The following HEMK1 variants were observed in gnomAD, a reference collection of about 807,000 sequenced individuals.
The protein encoded by HEMK1 is HemK methyltransferase 1, mitochondrial release factors N(5)-glutamine, also known as MTRF1L release factor glutamine methyltransferase.
HEMK1 carries 36 observed loss-of-function variants against 47.9 expected under a neutral mutation model. That is an observed-to-expected ratio of 0.75 (90% CI 0.58 to 0.99). The LOEUF is 0.99. Ranked by LOEUF, HEMK1 falls within the 50% of genes least tolerant of loss-of-function variation. The probability of loss-of-function intolerance (pLI) is 0.00; values close to 1 mark genes in which losing one functional copy is unlikely to be tolerated. For missense variants in HEMK1, 383 were observed against 434.5 expected, an observed-to-expected ratio of 0.88 and a Z score of 1.05; for synonymous variants, 153 against 165.4, an observed-to-expected ratio of 0.93 and a Z score of 0.57.
rs538120324 is a variant in HEMK1, at chr3:50,576,993, C to A, written c.415-59C>A. 46 of 1,605,130 alleles carry A rather than the reference C, an allele frequency of 2.9e-5. 1 individual carries two copies. The South Asian group carries it at 4.2e-4, about 15-fold the overall frequency. ...AAGGGTAACTGCTTAGGCCTCTGTA[C>A]CAAGACCCCCAGGAGCCACGTTGGC... On this transcript the variant is annotated intron_variant, in intron 4 of 10. Transcript: ENST00000232854.
In HEMK1 at chr3:50,580,502, A is replaced by T. The variant is rs1263104864; in HGVS notation, c.*85A>T. 14 of 1,352,914 alleles carry T rather than the reference A, an allele frequency of 1.0e-5. No individual in the cohort carries two copies. In the Admixed American group the frequency reaches 2.5e-4, roughly 24 times the overall value. The allele number at this position is 1,352,914 out of a possible 1,614,324, so 83.8% of individuals were successfully genotyped here. ...GGCACTTTCCAGAGCCCAGGTTCTT[A>T]TGGCATTTCCCAGGGTTCTGTGATT... is the stretch of plus-strand genomic sequence containing the variant. On this transcript the variant is annotated 3_prime_UTR_variant, in exon 11 of 11. Transcript: ENST00000232854.
In HEMK1 at chr3:50,575,193, C is replaced by T. The variant is rs532886264; in HGVS notation, c.415-1859C>T. On this transcript the variant is annotated intron_variant, in intron 4 of 10. Coordinates refer to ENST00000232854, the MANE Select transcript of HEMK1 (RefSeq NM_016173.5). Reference sequence around the variant, plus strand: ...ATCCCAGCACTTTGGGAGGCTGAGGCGGGTAGATCACCTGAGGTCGGGAGT... The same window carrying T: ...ATCCCAGCACTTTGGGAGGCTGAGGTGGGTAGATCACCTGAGGTCGGGAGT... Among the ~76,000 whole-genome samples, 17 of 152,122 alleles carry T rather than the reference C, an allele frequency of 1.1e-4. No individual in the cohort carries two copies. In the Middle Eastern group the frequency reaches 0.01, roughly 91 times the overall value.
chr3:50,570,084 C>T (rs1386876391), intron 1 of HEMK1: 1 of 152,196 alleles, frequency 6.6e-6, no homozygotes, highest in Non-Finnish European at 1.5e-5. Flanking sequence ...TCGTGATCCG[C>T]CCACCTCGGC....
At position 50,594,386 on chromosome 3, in the gene HEMK1, A is replaced by T. The variant is rs993836210; in HGVS notation, c.*13969A>T. The T allele has an allele frequency of 6.6e-6, 1 of 152,184 alleles. No homozygotes were observed. Among genetic ancestry groups the T allele is most frequent in the Non-Finnish European group, 1.5e-5 (1 of 68,036 alleles). The allele number at this position is 152,184 out of a possible 1,614,324, so 9.4% of individuals were successfully genotyped here. On this transcript the variant is annotated 3_prime_UTR_variant, in exon 11 of 11. Coordinates refer to ENST00000232854, the MANE Select transcript of HEMK1 (RefSeq NM_016173.5). ...ATTGACACGGTCCCTACTCATAAGG[A>T]GTTCATGGCCTGGTGGAGGATACAG... is the stretch of plus-strand genomic sequence containing the variant.
At position 50,587,967 on chromosome 3, in the gene HEMK1, G is replaced by A. The variant is rs755234986; in HGVS notation, c.*7550G>A. On this transcript the variant is annotated 3_prime_UTR_variant, in exon 11 of 11. Coordinates refer to ENST00000232854, the MANE Select transcript of HEMK1 (RefSeq NM_016173.5). This position sits in a 1 kb window ranked among gnomAD's most constrained non-coding sequence, Gnocchi z 4.2. Reference sequence around the variant, plus strand: ...TGGCCAGGACCACAGTGGGCCCAGGGATCTGATTGGGACCTGGGGGAAATG... The same window carrying A: ...TGGCCAGGACCACAGTGGGCCCAGGAATCTGATTGGGACCTGGGGGAAATG... 1 of 152,312 alleles carries A rather than the reference G, an allele frequency of 6.6e-6. No homozygotes were observed. The highest frequency in any genetic ancestry group is 1.5e-5 in the Non-Finnish European group (1 of 68,126). 9.4% of individuals were successfully genotyped at this position (152,312 alleles called of 1,614,324 possible).
chr3:50,584,107 G>A lies in HEMK1; in HGVS notation c.*3690G>A, dbSNP rs566418701. 7 of 152,308 alleles carry A rather than the reference G, an allele frequency of 4.6e-5. No homozygotes were observed. Among genetic ancestry groups the A allele is most frequent in the Non-Finnish European group, 1.0e-4 (7 of 68,028 alleles). The allele number at this position is 152,308 out of a possible 1,614,324, so 9.4% of individuals were successfully genotyped here. On this transcript the variant is annotated 3_prime_UTR_variant, in exon 11 of 11. Coordinates refer to ENST00000232854, the MANE Select transcript of HEMK1 (RefSeq NM_016173.5). Reference sequence around the variant, plus strand: ...ATTCAAGTTGAGCAATGGCCACTTCGAAGACTCAAGTGCACCTGATCCCTG... The same window carrying A: ...ATTCAAGTTGAGCAATGGCCACTTCAAAGACTCAAGTGCACCTGATCCCTG...
Position 50,572,789 on chromosome 3 carries a change from T to C in HEMK1, c.414+581T>C, listed in dbSNP as rs374801820. On this transcript the variant is annotated intron_variant, in intron 4 of 10. Transcript: ENST00000232854. ...TAGGACTAGGGATGTGTGGCGCAAG[T>C]GTGTTATCCCTTGGTAAGGCACCCT... 2.3e-4 allele frequency among the ~76,000 whole-genome samples: 35 copies of C among 152,316 alleles called. 1 individual carries two copies. The East Asian group carries it at 5.0e-3, about 22-fold the overall frequency.
chr3:50,580,050 C>G, intron 9 of HEMK1, 66 bp from the exon 10 acceptor site: 1 of 1,542,126 alleles, frequency 6.5e-7, no homozygotes, highest in Non-Finnish European at 9.0e-7. Flanking sequence ...CTCGCCAGCC[C>G]AAGCAGCCCA....
At position 50,588,410 on chromosome 3, in the gene HEMK1, G is replaced by C. The variant is rs2031521503; in HGVS notation, c.*7993G>C. 6.6e-6 allele frequency: 1 copy of C among 152,232 alleles called. No homozygotes were observed. The highest frequency in any genetic ancestry group is 6.5e-5 in the Admixed American group (1 of 15,286). 9.4% of individuals were successfully genotyped at this position (152,232 alleles called of 1,614,324 possible). A position where few individuals can be genotyped will look rare whatever the true frequency, so the allele number is the denominator to read the frequency against. On this transcript the variant is annotated 3_prime_UTR_variant, in exon 11 of 11. Transcript: ENST00000232854. ...CAGTCAGGAGAGGCGTGAGCAGGCT[G>C]CCGAGGCCAAATGCAGCCCAGGGCC...
At position 50,579,886 on chromosome 3, in the gene HEMK1, G is replaced by A; in HGVS notation, c.813G>A (p.Met271Ile). ...CCCTGGATGGTGGGGAGGAGGGCAT[G>A]GACATCATTACCCACATTCTGGCCT... ...PAALDGGEEG[M>I]DIITHILALA... The change falls in exon 9 of 11, where the codon ATG (methionine) becomes ATA (isoleucine). Residue 271 changes from methionine (M) to isoleucine (I), a missense_variant. Coordinates refer to ENST00000232854, the MANE Select transcript of HEMK1 (RefSeq NM_016173.5). 2 of 1,614,018 alleles carry A rather than the reference G, an allele frequency of 1.2e-6. No individual in the cohort carries two copies. Among genetic ancestry groups the A allele is most frequent in the South Asian group, 1.1e-5 (1 of 91,072 alleles).
rs888754398 is a variant in HEMK1 at position 50,591,101 on chromosome 3, G to A, written c.*10684G>A. 6.6e-6 allele frequency: 1 copy of A among 152,174 alleles called. No homozygotes were observed. Among genetic ancestry groups the A allele is most frequent in the African/African-American group, 2.4e-5 (1 of 41,420 alleles). The allele number at this position is 152,174 out of a possible 1,614,324, so 9.4% of individuals were successfully genotyped here. A position where few individuals can be genotyped will look rare whatever the true frequency, so the allele number is the denominator to read the frequency against. On this transcript the variant is annotated 3_prime_UTR_variant, in exon 11 of 11. Coordinates refer to ENST00000232854, the MANE Select transcript of HEMK1 (RefSeq NM_016173.5). ...AAGGTCAGGCGAGGACACAGCATCTGGGACGAGTCCTTTCCTGCCAACAGC... is the reference window on the plus strand; with the variant it reads ...AAGGTCAGGCGAGGACACAGCATCTAGGACGAGTCCTTTCCTGCCAACAGC...
chr3:50,588,013 CTG>C lies in HEMK1; in HGVS notation c.*7597_*7598del, dbSNP rs912109102. The C allele has an allele frequency of 2.0e-5, 3 of 152,326 alleles. No homozygotes were observed. Among genetic ancestry groups the C allele is most frequent in the African/African-American group, 7.2e-5 (3 of 41,532 alleles). 9.4% of individuals were successfully genotyped at this position (152,326 alleles called of 1,614,324 possible). ...AAATGGGGCCACCCTGAGTTGGAGA[CTG>C]GGGTGCTGGGGGGAACAGTCGGGGA... On this transcript the variant is annotated 3_prime_UTR_variant, in exon 11 of 11. Coordinates refer to ENST00000232854, the MANE Select transcript of HEMK1 (RefSeq NM_016173.5).
rs1361373972 is a variant in HEMK1 at position 50,594,260 on chromosome 3, G to A, written c.*13843G>A. 2 of 151,954 alleles carry A rather than the reference G, an allele frequency of 1.3e-5. No individual in the cohort carries two copies. The highest frequency in any genetic ancestry group is 3.9e-4 in the East Asian group (2 of 5,194). The allele number at this position is 151,954 out of a possible 1,614,324, so 9.4% of individuals were successfully genotyped here. A position where few individuals can be genotyped will look rare whatever the true frequency, so the allele number is the denominator to read the frequency against. On this transcript the variant is annotated 3_prime_UTR_variant, in exon 11 of 11. Coordinates refer to ENST00000232854, the MANE Select transcript of HEMK1 (RefSeq NM_016173.5). The stretch of plus-strand genomic sequence containing the variant: ...TAGTTCTGGCTGACTCTGATTTTTT[G>A]TTTATTTTAGAGGCTTTTTTTTTCA...
intron 4 of HEMK1, among the ~76,000 whole-genome samples, chr3:50,574,158 G>A (rs1468059182): frequency 2.0e-5 from 3 of 152,170 alleles, no homozygotes; most frequent in South Asian, 4.1e-4. Flanking sequence ...CCTCTTTCCC[G>A]CATGCGTCTG....
chr3:50,574,958 G>A (rs2107446847), intron 4 of HEMK1, among the ~76,000 whole-genome samples: 1 of 152,326 alleles, frequency 6.6e-6, no homozygotes, highest in African/African-American at 2.4e-5. Flanking sequence ...GCCTGGAAGG[G>A]TGAGATGCTT....
Position 50,587,302 on chromosome 3 carries a change from T to C in HEMK1, c.*6885T>C, listed in dbSNP as rs1267036710. The C allele has an allele frequency of 6.6e-6, 1 of 152,226 alleles. No individual in the cohort carries two copies. The highest frequency in any genetic ancestry group is 1.5e-5 in the Non-Finnish European group (1 of 68,082). 9.4% of individuals were successfully genotyped at this position (152,226 alleles called of 1,614,324 possible). A position where few individuals can be genotyped will look rare whatever the true frequency, so the allele number is the denominator to read the frequency against. On this transcript the variant is annotated 3_prime_UTR_variant, in exon 11 of 11. Transcript: ENST00000232854. The surrounding 1 kb of genome is among the most constrained non-coding windows in gnomAD (Gnocchi z 4.2). ...GCTCCTGGGTGCATCTCCTGAGGTA[T>C]AGGGCCAGGGCCTCAGTCTCTCAAG...
chr3:50,586,323 T>C lies in HEMK1; in HGVS notation c.*5906T>C, dbSNP rs609678. 0.92 allele frequency: 140,731 copies of C among 152,342 alleles called. 66,084 individuals are homozygous for C. Among genetic ancestry groups the C allele is most frequent in the East Asian group, 1 (5,176 of 5,176 alleles). The allele number at this position is 152,342 out of a possible 1,614,324, so 9.4% of individuals were successfully genotyped here. A position where few individuals can be genotyped will look rare whatever the true frequency, so the allele number is the denominator to read the frequency against. On this transcript the variant is annotated 3_prime_UTR_variant, in exon 11 of 11. Transcript: ENST00000232854. Reference sequence around the variant, plus strand: ...CTGCAGGAAAATGGTCAGGAAAGGCTAATTTTACAGCTCACAAAGTGGGAA... The same window carrying C: ...CTGCAGGAAAATGGTCAGGAAAGGCCAATTTTACAGCTCACAAAGTGGGAA...
intron 4 of HEMK1, among the ~76,000 whole-genome samples, chr3:50,576,184 G>A (rs1413192138): frequency 1.3e-5 from 2 of 152,226 alleles, no homozygotes; most frequent in Non-Finnish European, 2.9e-5. Context: ...GAGCCTCCCT[G>A]GGGGCCTCTC....
intron 4 of HEMK1, among the ~76,000 whole-genome samples, chr3:50,576,424 G>C (rs1701597199): frequency 6.6e-6 from 1 of 152,222 alleles, no homozygotes; most frequent in African/African-American, 2.4e-5. Flanking sequence ...TTTTGAGATG[G>C]AGTGTTGCTC....
Sources: allele counts gnomAD v4.1 joint callset (sites outside exome capture counted in the v4.1 genomes callset), GRCh38; gene constraint gnomAD v4.1.1; non-coding constraint Gnocchi (gnomAD v3.1); transcripts MANE v1.5; gene names NCBI Gene and HGNC (gene_info 2026-07-23, HGNC 2026-07-21).